The following KCNS3 variants were observed in gnomAD, a reference collection of about 807,000 sequenced individuals.
The protein encoded by KCNS3 is potassium voltage-gated channel modifier subfamily S member 3.
Under a neutral mutation model 31.0 loss-of-function variants are expected in KCNS3, and 13 were observed. The observed-to-expected ratio is 0.42, with a 90% CI of 0.27 to 0.67. The LOEUF (loss-of-function observed/expected upper bound fraction) is 0.67. KCNS3 is among the 30% of genes least tolerant of loss of function. The pLI is 0.25. For synonymous variants in KCNS3, 238 were observed against 241.5 expected (o/e 0.99, Z 0.13); for missense variants, 545 against 622.4 (o/e 0.88, Z 1.32).
chr2:17,923,376 T>C (rs1159967409), intron 2 of KCNS3, among the ~76,000 whole-genome samples: 1 of 152,180 alleles, frequency 6.6e-6, no homozygotes, highest in Non-Finnish European at 1.5e-5. Flanking sequence ...TTATCAGATA[T>C]ATGATTTGCA....
At chr2:17,899,961 AGAC>A (rs1417144954) in intron 1 of KCNS3, among the ~76,000 whole-genome samples, 1 of 152,208 alleles carries the variant, frequency 6.6e-6, no homozygotes, top group Non-Finnish European at 1.5e-5. Flanking sequence ...GTGTCAGGAC[AGAC>A]AACAACCACC....
At chr2:17,889,499 T>C (rs1661788083) in intron 1 of KCNS3, among the ~76,000 whole-genome samples, 1 of 152,242 alleles carries the variant, frequency 6.6e-6, no homozygotes, top group South Asian at 2.1e-4. Context: ...CATCCTTGTC[T>C]TGTTCCCGTT....
chr2:17,898,847 C>T (rs185886897), intron 1 of KCNS3, among the ~76,000 whole-genome samples: 125 of 152,290 alleles, frequency 8.2e-4, no homozygotes, highest in African/African-American at 2.8e-3. Context: ...GTCAAATTAG[C>T]ATCAAATAGG....
chr2:17,932,200 G>C lies in KCNS3; in HGVS notation c.1192G>C (p.Val398Leu). 6.2e-7 allele frequency: 1 copy of C among 1,613,944 alleles called. No individual in the cohort carries two copies. Among genetic ancestry groups the C allele is most frequent in the Non-Finnish European group, 8.5e-7 (1 of 1,179,888 alleles). ...STCIICGILV[V>L]ALPITIIFNK... The stretch of plus-strand genomic sequence containing the variant: ...ATGCATCATCTGTGGCATCTTGGTG[G>C]TGGCCCTTCCCATCACCATCATCTT... Residue 398 changes from valine (V) to leucine (L), a missense_variant, in exon 3 of 3, where the codon GTG becomes CTG. Val to Leu is a conservative substitution (Grantham distance 32). Coordinates refer to ENST00000304101, the MANE Select transcript of KCNS3 (RefSeq NM_002252.5).
At chr2:17,893,665 TCTC>T (rs1661912653) in intron 1 of KCNS3, among the ~76,000 whole-genome samples, 1 of 152,102 alleles carries the variant, frequency 6.6e-6, no homozygotes, top group Admixed American at 6.6e-5. Context: ...GTTGGAAACT[TCTC>T]CTGCAAACAG....
In KCNS3 at chr2:17,931,181, A is replaced by G; in HGVS notation, c.173A>G (p.Asp58Gly). The G allele has an allele frequency of 2.5e-6, 4 of 1,614,122 alleles. No individual in the cohort carries two copies. The highest frequency in any genetic ancestry group is 3.4e-6 in the Non-Finnish European group (4 of 1,180,014). ...HSEEAILELC[D>G]DYSVADKEYY... ...GAAGAGGCCATTCTGGAGCTGTGTG[A>G]TGATTACAGTGTGGCCGATAAGGAG... Residue 58 changes from aspartate to glycine, a missense_variant, in exon 3 of 3, where the codon GAT becomes GGT. By Grantham distance (94) the Asp-to-Gly change is moderately conservative (BLOSUM62 -1). Coordinates refer to ENST00000304101, the MANE Select transcript of KCNS3 (RefSeq NM_002252.5). The surrounding 1 kb of genome is among the most constrained non-coding windows in gnomAD (Gnocchi z 5.4).
At chr2:17,915,767 G>T (rs920607917) in intron 1 of KCNS3, among the ~76,000 whole-genome samples, 1 of 152,168 alleles carries the variant, frequency 6.6e-6, no homozygotes, top group East Asian at 1.9e-4. Context: ...AATGCTCTTA[G>T]AGAGGTGCTA....
At chr2:17,923,776 A>G (rs1662774639) in intron 2 of KCNS3, among the ~76,000 whole-genome samples, 2 of 151,824 alleles carry the variant, frequency 1.3e-5, no homozygotes, top group South Asian at 2.1e-4. Context: ...TCAAAAATCA[A>G]TCAAAAAGCC....
chr2:17,884,262 AAAAAAAATATATATAT>A lies in KCNS3; in HGVS notation c.-252+5458_-252+5473del, dbSNP rs1166716874. ...CTAGAACTTAAAGTATAATTAAAAAAAAAAAAATATATATATATATATATATATATATATATATATA... is the reference window on the plus strand; with the variant it reads ...CTAGAACTTAAAGTATAATTAAAAAAATATATATATATATATATATATATA... On this transcript the variant is annotated intron_variant, in intron 1 of 2. Transcript: ENST00000304101. Among the ~76,000 whole-genome samples the A allele has an allele frequency of 3.5e-3, 180 of 51,748 alleles. 1 individual carries two copies. Among genetic ancestry groups the A allele is most frequent in the Admixed American group, 4.9e-3 (23 of 4,670 alleles). The allele number at this position is 51,748 out of a possible 152,430, so 33.9% of individuals were successfully genotyped here.
intron 2 of KCNS3, among the ~76,000 whole-genome samples, chr2:17,930,512 G>A (rs558619702): frequency 1.3e-5 from 2 of 152,302 alleles, no homozygotes; most frequent in Non-Finnish European, 2.9e-5. Context: ...TGGAAGGGAT[G>A]AGCTTCAAGC....
chr2:17,881,036 G>GGCACTTTTCCAGGC (rs1674633953), intron 1 of KCNS3, among the ~76,000 whole-genome samples: 1 of 152,142 alleles, frequency 6.6e-6, no homozygotes, highest in Admixed American at 6.5e-5. Flanking sequence ...CTATATATCA[G>GGCACTTTTCCAGGC]ATACTCTGCT....
chr2:17,901,665 G>A (rs1662175994), intron 1 of KCNS3, among the ~76,000 whole-genome samples: 1 of 152,136 alleles, frequency 6.6e-6, no homozygotes, highest in African/African-American at 2.4e-5. Context: ...ACAAGGAGGA[G>A]GCCATGGTGG....
At position 17,887,568 on chromosome 2, in the gene KCNS3, C is replaced by T. The variant is rs367832285; in HGVS notation, c.-252+8762C>T. 2.0e-5 allele frequency among the ~76,000 whole-genome samples: 3 copies of T among 149,656 alleles called. No homozygotes were observed. The East Asian group carries it at 6.3e-4, about 31-fold the overall frequency. On this transcript the variant is annotated intron_variant, in intron 1 of 2. Coordinates refer to ENST00000304101, the MANE Select transcript of KCNS3 (RefSeq NM_002252.5). ...ATATATATCACAGTTTCTTTATCCA[C>T]TCATTGATTGATGGGCATTTGGGTT... is the stretch of plus-strand genomic sequence containing the variant.
chr2:17,918,405 G>A (rs975421757), intron 2 of KCNS3, among the ~76,000 whole-genome samples: 7 of 152,298 alleles, frequency 4.6e-5, no homozygotes, highest in African/African-American at 1.4e-4. Flanking sequence ...CTGGGAAGAC[G>A]GAATGATATG....
chr2:17,886,682 G>GTCCGTCCA (rs1661661751), intron 1 of KCNS3, among the ~76,000 whole-genome samples: 1 of 149,988 alleles, frequency 6.7e-6, no homozygotes, highest in African/African-American at 2.5e-5. Flanking sequence ...CCATCCGTCC[G>GTCCGTCCA]TCCATCCATC....
chr2:17,924,802 T>C (rs1662798223), intron 2 of KCNS3, among the ~76,000 whole-genome samples: 1 of 152,178 alleles, frequency 6.6e-6, no homozygotes, highest in Non-Finnish European at 1.5e-5. Flanking sequence ...GGATGCTCCC[T>C]GTAGTTTTCT....
At chr2:17,878,617 C>T (rs1674562244), upstream of KCNS3, 1 of 148,286 alleles carries the variant, frequency 6.7e-6, no homozygotes, top group Non-Finnish European at 1.5e-5. Flanking sequence ...CGGCCCCGCC[C>T]CGCCCGCAGC....
At chr2:17,908,198 A>G (rs1360549904) in intron 1 of KCNS3, among the ~76,000 whole-genome samples, 1 of 151,878 alleles carries the variant, frequency 6.6e-6, no homozygotes, top group African/African-American at 2.4e-5. Context: ...TTCTCACTTC[A>G]TTTCATTCAT....
intron 1 of KCNS3, among the ~76,000 whole-genome samples, chr2:17,909,163 G>A (rs536457926): frequency 1.3e-3 from 193 of 152,282 alleles, no homozygotes; most frequent in African/African-American, 4.1e-3. Context: ...AATGGCGGGC[G>A]CCCCTCCCCC....
Sources: allele counts gnomAD v4.1 joint callset (sites outside exome capture counted in the v4.1 genomes callset), GRCh38; gene constraint gnomAD v4.1.1; non-coding constraint Gnocchi (gnomAD v3.1); transcripts MANE v1.5; gene names NCBI Gene and HGNC (gene_info 2026-07-23, HGNC 2026-07-21).